Variants in SLC15A5 observed in about 807,000 individuals in gnomAD.
SLC15A5 encodes the protein solute carrier family 15 member 5.
In SLC15A5, 58 loss-of-function variants were observed where a neutral mutation model predicts 56.1. The observed-to-expected ratio is 1.03, with a 90% CI of 0.84 to 1.29. SLC15A5 has a LOEUF of 1.29. Among genes scored for constraint, SLC15A5 ranks in the 50% most tolerant of loss-of-function variants. The pLI, the probability that SLC15A5 is intolerant of heterozygous loss-of-function variation, is 0.00. For synonymous variants in SLC15A5, 264 were observed against 250.5 expected (o/e 1.05, Z -0.51); for missense variants, 681 against 672.1 (o/e 1.01, Z -0.15).
intron 5 of SLC15A5, among the ~76,000 whole-genome samples, chr12:16,229,801 CT>C (rs1294654655): frequency 1.3e-5 from 2 of 152,172 alleles, no homozygotes; most frequent in African/African-American, 4.8e-5. Flanking sequence ...ACTTTTTACA[CT>C]CAGCAGGACT....
intron 5 of SLC15A5, among the ~76,000 whole-genome samples, chr12:16,233,508 G>T (rs1250596411): frequency 6.6e-6 from 1 of 152,170 alleles, no homozygotes; most frequent in Non-Finnish European, 1.5e-5. Flanking sequence ...TTCTTACCAT[G>T]CAGGTCATAC....
chr12:16,205,819 T>G (rs1292748866), intron 7 of SLC15A5, among the ~76,000 whole-genome samples: 2 of 151,994 alleles, frequency 1.3e-5, no homozygotes, highest in Non-Finnish European at 2.9e-5. Flanking sequence ...ATTTCCCCTC[T>G]TTACAAACTA....
chr12:16,207,237 T>C lies in SLC15A5; in HGVS notation c.1483+9656A>G, dbSNP rs1297155781. Among the ~76,000 whole-genome samples, 3 of 152,276 alleles carry C rather than the reference T, an allele frequency of 2.0e-5. No homozygotes were observed. The East Asian group carries it at 5.8e-4, about 29-fold the overall frequency. On this transcript the variant is annotated intron_variant, in intron 7 of 8. Coordinates refer to ENST00000344941, the MANE Select transcript of SLC15A5 (RefSeq NM_001170798.1). ...ATTTGCAACTGAATTAATAAATCAG[T>C]CTATAAGTGGGTTTATTTAAAATAG...
At chr12:16,266,440 A>G (rs906799865) in intron 2 of SLC15A5, among the ~76,000 whole-genome samples, 5 of 152,240 alleles carry the variant, frequency 3.3e-5, no homozygotes, top group African/African-American at 9.6e-5. Flanking sequence ...TGTGAAATGT[A>G]GTTAGAAACC....
At chr12:16,273,769 C>A (rs1331692498) in intron 1 of SLC15A5, among the ~76,000 whole-genome samples, 1 of 150,208 alleles carries the variant, frequency 6.7e-6, no homozygotes. Context: ...GCATTCCCCC[C>A]CATCAGATTA....
chr12:16,277,103 A>G (rs574514605), intron 1 of SLC15A5, among the ~76,000 whole-genome samples: 19 of 118,162 alleles, frequency 1.6e-4, no homozygotes, highest in African/African-American at 7.4e-4. Flanking sequence ...ATATAAATGC[A>G]ATGATATAGG....
At chr12:16,264,312 G>T (rs1445453748) in intron 2 of SLC15A5, among the ~76,000 whole-genome samples, 1 of 152,182 alleles carries the variant, frequency 6.6e-6, no homozygotes, top group African/African-American at 2.4e-5. Flanking sequence ...CTTCCACTGG[G>T]CCTGTAGCCC....
At chr12:16,217,994 A>G (rs1009226972) in intron 6 of SLC15A5, among the ~76,000 whole-genome samples, 1 of 152,206 alleles carries the variant, frequency 6.6e-6, no homozygotes. Flanking sequence ...TACGTGCCAT[A>G]TAAACATAAT....
chr12:16,238,937 A>G (rs755919583), intron 5 of SLC15A5, among the ~76,000 whole-genome samples: 36 of 152,186 alleles, frequency 2.4e-4, no homozygotes, highest in Non-Finnish European at 4.0e-4. Context: ...TTTAGAGAAC[A>G]AAATGATCCA....
chr12:16,190,060 T>G (rs1385782585), intron 8 of SLC15A5, among the ~76,000 whole-genome samples: 1 of 152,194 alleles, frequency 6.6e-6, no homozygotes, highest in East Asian at 1.9e-4. Flanking sequence ...CCTGCTACGC[T>G]GTCTTCAGTG....
intron 7 of SLC15A5, among the ~76,000 whole-genome samples, chr12:16,200,314 A>G: frequency 6.6e-6 from 1 of 151,906 alleles, no homozygotes; most frequent in South Asian, 2.1e-4. Flanking sequence ...GACATTGAAA[A>G]TTTTTTTATA....
intron 2 of SLC15A5, among the ~76,000 whole-genome samples, chr12:16,265,569 C>A (rs750949567): frequency 1.3e-5 from 2 of 152,196 alleles, no homozygotes; most frequent in Non-Finnish European, 2.9e-5. Context: ...GCCTTGATTT[C>A]TTGGGCTCAA....
At chr12:16,253,879 T>C (rs1476276316) in intron 3 of SLC15A5, among the ~76,000 whole-genome samples, 1 of 152,096 alleles carries the variant, frequency 6.6e-6, no homozygotes, top group African/African-American at 2.4e-5. Flanking sequence ...AAAAGAGTTC[T>C]CAAAAACTTT....
chr12:16,219,512 C>G (rs1377007839), intron 6 of SLC15A5, among the ~76,000 whole-genome samples: 4 of 152,174 alleles, frequency 2.6e-5, no homozygotes, highest in Admixed American at 2.6e-4. Flanking sequence ...CATTATTACT[C>G]TGCTAGTTAA....
At chr12:16,189,939 C>A in intron 8 of SLC15A5, 124 bp from the exon 9 acceptor site, 1 of 705,586 alleles carries the variant, frequency 1.4e-6, no homozygotes, top group South Asian at 3.8e-5. Flanking sequence ...ACAACAGTGA[C>A]GATTATTTAA....
At chr12:16,212,821 A>G (rs1254212043) in intron 7 of SLC15A5, among the ~76,000 whole-genome samples, 4 of 152,140 alleles carry the variant, frequency 2.6e-5, no homozygotes, top group African/African-American at 4.8e-5. Flanking sequence ...CACAGAATCA[A>G]TTTTCAAAAA....
chr12:16,220,059 G>A (rs893183695), intron 6 of SLC15A5, among the ~76,000 whole-genome samples: 13 of 152,092 alleles, frequency 8.5e-5, no homozygotes, highest in African/African-American at 2.2e-4. Flanking sequence ...TTTTACTCTC[G>A]TTGTTCTTAA....
At chr12:16,221,246 A>G (rs1864185085) in intron 6 of SLC15A5, among the ~76,000 whole-genome samples, 1 of 152,224 alleles carries the variant, frequency 6.6e-6, no homozygotes, top group South Asian at 2.1e-4. Flanking sequence ...GATGTCAGGA[A>G]TGTATATTCT....
rs150995734 is a variant in SLC15A5 at position 16,194,036 on chromosome 12, A to G, written c.1592+309T>C. ...TATTTGTTTAATGGTATTTGCTTTT[A>G]GTGGTAATGATTCACTCGTTCTTAT... is the stretch of plus-strand genomic sequence containing the variant. On this transcript the variant is annotated intron_variant, in intron 8 of 8. Coordinates refer to ENST00000344941, the MANE Select transcript of SLC15A5 (RefSeq NM_001170798.1). 2.1e-3 allele frequency among the ~76,000 whole-genome samples: 325 copies of G among 152,200 alleles called. 1 individual carries two copies. Among genetic ancestry groups the G allele is most frequent in the African/African-American group, 7.5e-3 (313 of 41,560 alleles).
Sources: gnomAD v4.1 joint callset for allele counts (sites outside exome capture counted in the v4.1 genomes callset) on GRCh38, gnomAD v4.1.1 for gene constraint, MANE v1.5 for transcripts, NCBI Gene and HGNC (gene_info 2026-07-23, HGNC 2026-07-21) for gene names.